The following AFF3 variants were observed in gnomAD, a reference collection of about 807,000 sequenced individuals.
AFF3 encodes ALF transcription elongation factor 3.
In AFF3, 32 loss-of-function variants were observed where a neutral mutation model predicts 129.7. The observed-to-expected ratio is 0.25, with a 90% CI of 0.19 to 0.33. The LOEUF (loss-of-function observed/expected upper bound fraction) is 0.33. AFF3 is among the 10% of genes least tolerant of loss of function. The pLI is 1.00. For missense variants in AFF3, 1,373 were observed against 1,592.0 expected (o/e 0.86, Z 2.34); for synonymous variants, 644 against 635.4 (o/e 1.01, Z -0.20).
intron 15 of AFF3, among the ~76,000 whole-genome samples, chr2:99,589,397 ATTTTT>A (rs55888825): frequency 9.7e-5 from 10 of 103,380 alleles, no homozygotes; most frequent in African/African-American, 3.2e-4. Flanking sequence ...AGATGTCAAC[ATTTTT>A]TTTTTTTTTT....
intron 4 of AFF3, among the ~76,000 whole-genome samples, chr2:100,052,190 C>T (rs1318100062): frequency 6.6e-6 from 1 of 152,160 alleles, no homozygotes; most frequent in Non-Finnish European, 1.5e-5. Flanking sequence ...ACCAAAGAAC[C>T]TTAATCTAGG....
chr2:99,932,581 C>G (rs530483218), intron 7 of AFF3, among the ~76,000 whole-genome samples: 1 of 152,318 alleles, frequency 6.6e-6, no homozygotes, highest in Non-Finnish European at 1.5e-5. Flanking sequence ...CCAGTGCTGA[C>G]GTCCTTCGCT....
intron 11 of AFF3, among the ~76,000 whole-genome samples, chr2:99,722,414 C>A (rs1678971791): frequency 1.3e-5 from 2 of 152,172 alleles, no homozygotes; most frequent in African/African-American, 4.8e-5. Flanking sequence ...AAATCTCTAG[C>A]TGATTAGCTT....
intron 2 of AFF3, among the ~76,000 whole-genome samples, chr2:100,121,989 G>T (rs1573462600): frequency 6.6e-6 from 1 of 152,156 alleles, no homozygotes; most frequent in African/African-American, 2.4e-5. Context: ...GTGAACCCGG[G>T]AAGCGGAGCT....
chr2:99,624,143 T>G (rs867503645), intron 13 of AFF3, among the ~76,000 whole-genome samples: 9 of 152,252 alleles, frequency 5.9e-5, no homozygotes, highest in African/African-American at 2.2e-4. Flanking sequence ...TCCAAGGTTC[T>G]GGGGATTGTT....
At chr2:99,699,718 C>T (rs1325251244) in intron 11 of AFF3, among the ~76,000 whole-genome samples, 1 of 152,166 alleles carries the variant, frequency 6.6e-6, no homozygotes, top group East Asian at 1.9e-4. Context: ...GGATTATGGG[C>T]ATAGGGCATG....
Position 99,593,799 on chromosome 2 carries a change from G to A in AFF3, c.1862C>T (p.Pro621Leu). The A allele has an allele frequency of 1.2e-6, 2 of 1,611,526 alleles. No individual in the cohort carries two copies. The highest frequency in any genetic ancestry group is 1.7e-6 in the Non-Finnish European group (2 of 1,179,650). The change falls in exon 15 of 25, where the codon CCC becomes CTC. Residue 621 changes from proline (P) to leucine (L), a missense_variant. By Grantham distance (98) the Pro-to-Leu change is moderately conservative (BLOSUM62 -3). Transcript: ENST00000672756. ...GGGCCTGGTTTTGGTGGGCTCCGGG[G>A]GGACCACCACGCTCGTCCCCAGCGC... ...ADALGTSVVV[P>L]PEPTKTRPCG... is the part of the protein sequence containing the mutation.
chr2:99,967,883 G>A (rs1360994721), intron 7 of AFF3, among the ~76,000 whole-genome samples: 1 of 152,182 alleles, frequency 6.6e-6, no homozygotes, highest in Non-Finnish European at 1.5e-5. Flanking sequence ...TTCCTAGCTG[G>A]TGTCCCTGAC....
intron 7 of AFF3, among the ~76,000 whole-genome samples, chr2:99,840,492 G>A (rs1689236272): frequency 6.6e-6 from 1 of 152,230 alleles, no homozygotes; most frequent in South Asian, 2.1e-4. Context: ...AGTAGTGCAT[G>A]AAGACAACAT....
chr2:99,756,114 C>T (rs1682076397), intron 8 of AFF3, among the ~76,000 whole-genome samples: 1 of 152,208 alleles, frequency 6.6e-6, no homozygotes, highest in African/African-American at 2.4e-5. Context: ...TCTGGATCCT[C>T]ATTAAAGATG....
At chr2:99,601,402 G>A in intron 14 of AFF3, 33 bp downstream of exon 14, 1 of 1,553,314 alleles carries the variant, frequency 6.4e-7, no homozygotes, top group Non-Finnish European at 8.7e-7. Flanking sequence ...ACAGAAGTGG[G>A]CAGAGGAGAG....
At chr2:100,081,295 C>T (rs1689029695) in intron 4 of AFF3, among the ~76,000 whole-genome samples, 1 of 151,944 alleles carries the variant, frequency 6.6e-6, no homozygotes, top group Admixed American at 6.5e-5. Flanking sequence ...ATACAGAGGC[C>T]CATTTTCTCT....
intron 13 of AFF3, among the ~76,000 whole-genome samples, chr2:99,642,049 T>C (rs1455762399): frequency 6.6e-6 from 1 of 152,110 alleles, no homozygotes; most frequent in Non-Finnish European, 1.5e-5. Context: ...ACTGAATGAA[T>C]GAAGAAGTAC....
chr2:100,039,395 C>G (rs560306517), intron 4 of AFF3, among the ~76,000 whole-genome samples: 1 of 152,170 alleles, frequency 6.6e-6, no homozygotes, highest in East Asian at 1.9e-4. Flanking sequence ...CCCATCTTTA[C>G]AAAAATTAAA....
At position 99,720,062 on chromosome 2, in the gene AFF3, C is replaced by A. The variant is rs542763528; in HGVS notation, c.1091+7015G>T. On this transcript the variant is annotated intron_variant, in intron 11 of 24. Coordinates refer to ENST00000672756, the MANE Select transcript of AFF3 (RefSeq NM_001386135.1). ...AAAAATAAATAAATAAACAAACAAA[C>A]AAATAAATAAAGTACGTATCATGTA... is the stretch of plus-strand genomic sequence containing the variant. Among the ~76,000 whole-genome samples the A allele has an allele frequency of 4.4e-4, 67 of 152,250 alleles. 1 individual carries two copies. Among genetic ancestry groups the A allele is most frequent in the African/African-American group, 1.5e-3 (64 of 41,578 alleles).
At chr2:99,882,139 G>A (rs1004743109) in intron 7 of AFF3, among the ~76,000 whole-genome samples, 3 of 149,916 alleles carry the variant, frequency 2.0e-5, no homozygotes, top group East Asian at 2.0e-4. Context: ...ATCATTCTTC[G>A]CATTCTTTGG....
chr2:99,973,465 T>G (rs2104443949), intron 7 of AFF3, among the ~76,000 whole-genome samples: 1 of 152,312 alleles, frequency 6.6e-6, no homozygotes, highest in South Asian at 2.1e-4. Context: ...CCCGAACATT[T>G]TTTACCCATA....
At chr2:99,940,129 G>C (rs1460868781) in intron 7 of AFF3, among the ~76,000 whole-genome samples, 1 of 152,102 alleles carries the variant, frequency 6.6e-6, no homozygotes, top group Non-Finnish European at 1.5e-5. Context: ...GATGCTCCAG[G>C]GTTTCCAGAC....
At chr2:99,940,965 C>T (rs543026184) in intron 7 of AFF3, among the ~76,000 whole-genome samples, 35 of 152,184 alleles carry the variant, frequency 2.3e-4, no homozygotes, top group Non-Finnish European at 4.4e-4. Flanking sequence ...CACCCGCTCC[C>T]GGCTCCCACC....
Sources: gnomAD v4.1 joint callset for allele counts (sites outside exome capture counted in the v4.1 genomes callset) on GRCh38, gnomAD v4.1.1 for gene constraint, MANE v1.5 for transcripts, NCBI Gene and HGNC (gene_info 2026-07-23, HGNC 2026-07-21) for gene names.